WDR90: variants seen among roughly 807,000 people sequenced by gnomAD.
WDR90 encodes WD repeat-containing protein 90.
WDR90 carries 238 observed loss-of-function variants against 195.2 expected under a neutral mutation model. The observed-to-expected ratio is 1.22, with a 90% CI of 1.10 to 1.36. The LOEUF is 1.36. Ranked by LOEUF, WDR90 falls within the 40% of genes most tolerant of loss-of-function variation. The probability of loss-of-function intolerance (pLI) is 0.00; values close to 1 mark genes in which losing one functional copy is unlikely to be tolerated. For missense variants in WDR90, 2,734 were observed against 2,439.5 expected, an observed-to-expected ratio of 1.12 and a Z score of -2.54; for synonymous variants, 1,265 against 1,052.4, an observed-to-expected ratio of 1.20 and a Z score of -3.91.
intron 26 of WDR90, among the ~76,000 whole-genome samples, chr16:659,751 G>C (rs548350924): frequency 6.6e-6 from 1 of 152,324 alleles, no homozygotes; most frequent in Non-Finnish European, 1.5e-5. Flanking sequence ...GGCTGCGGCA[G>C]TGGGCTCCTG....
intron 26 of WDR90, 96 bp downstream of exon 26, chr16:659,472 G>A: frequency 6.8e-7 from 1 of 1,481,476 alleles, no homozygotes; most frequent in Non-Finnish European, 9.1e-7. Flanking sequence ...CCAGCTCTGG[G>A]GTGCAGGTGC....
intron 34 of WDR90, among the ~76,000 whole-genome samples, chr16:664,837 G>T (rs868114607): frequency 6.6e-6 from 1 of 152,026 alleles, no homozygotes; most frequent in Non-Finnish European, 1.5e-5. Flanking sequence ...CCGCCACCAC[G>T]CCCGACTAAT....
chr16:657,309 G>A lies in WDR90; in HGVS notation c.2473+88G>A, dbSNP rs1261490602. 57 of 1,442,414 alleles carry A rather than the reference G, an allele frequency of 4.0e-5. No homozygotes were observed. The East Asian group carries it at 1.1e-3, about 27-fold the overall frequency. The allele number at this position is 1,442,414 out of a possible 1,614,324, so 89.4% of individuals were successfully genotyped here. ...AGGCCCACACCTGGACACACATGCCGGTTTCCTGGTGCACCGACTGGGTCC... is the reference window on the plus strand; with the variant it reads ...AGGCCCACACCTGGACACACATGCCAGTTTCCTGGTGCACCGACTGGGTCC... On this transcript the variant is annotated intron_variant, in intron 20 of 40. Coordinates refer to ENST00000293879, the MANE Select transcript of WDR90 (RefSeq NM_145294.5).
At position 666,232 on chromosome 16, in the gene WDR90, T is replaced by G; in HGVS notation, c.4622T>G (p.Leu1541Arg). ...GGCATGGTCCCAGGTCAGACTGTCC[T>G]CTCTGGAGACAAGGATGGGCTCGTG... ...VAFSTDGQTVLSGDKDGLVAV... is the reference protein window; with the variant it reads ...VAFSTDGQTVRSGDKDGLVAV... Residue 1541 changes from leucine (L) to arginine (R), a missense_variant, in exon 37 of 41, where the codon CTC (leucine) becomes CGC (arginine). Leu to Arg is a moderately radical substitution (Grantham distance 102). Transcript: ENST00000293879. 4.3e-6 allele frequency: 7 copies of G among 1,612,506 alleles called. No homozygotes were observed. Among genetic ancestry groups the G allele is most frequent in the Non-Finnish European group, 5.9e-6 (7 of 1,179,838 alleles).
Position 665,965 on chromosome 16 carries a change from G to C in WDR90, c.4450G>C (p.Ala1484Pro). 1 of 1,591,530 alleles carries C rather than the reference G, an allele frequency of 6.3e-7. No homozygotes were observed. The highest frequency in any genetic ancestry group is 2.2e-5 in the East Asian group (1 of 44,652). Reference protein sequence around the residue: ...QVLNQSCLCLAWSPPCCGRPE... With the variant: ...QVLNQSCLCLPWSPPCCGRPE... ...GGGTCCCCAGAGCTGCCTCTGCCTG[G>C]CATGGAGCCCCCCGTGCTGTGGCCG... Residue 1484 changes from alanine (A) to proline (P), a missense_variant, in exon 36 of 41, where the codon GCA (alanine) becomes CCA (proline). Ala to Pro is a conservative substitution (Grantham distance 27). Transcript: ENST00000293879.
intron 27 of WDR90, 55 bp from the exon 28 acceptor site, chr16:660,557 G>C (rs1235143857): frequency 6.6e-7 from 1 of 1,524,536 alleles, no homozygotes; most frequent in Non-Finnish European, 8.9e-7. Flanking sequence ...TGCAGGCTTT[G>C]GGGCACAGGT....
At chr16:651,128 G>A (rs753430938) in intron 6 of WDR90, 25 bp downstream of exon 6, 2 of 1,613,232 alleles carry the variant, frequency 1.2e-6, no homozygotes, top group Non-Finnish European at 1.7e-6. Flanking sequence ...TTCTTTCGAG[G>A]GAGGCCTCGG....
At chr16:664,222 G>A (rs2037977632) in intron 34 of WDR90, among the ~76,000 whole-genome samples, 4 of 152,012 alleles carry the variant, frequency 2.6e-5, no homozygotes, top group Non-Finnish European at 2.9e-5. Flanking sequence ...CCTGTTCCTC[G>A]GTCGCTCCCT....
At chr16:649,328 C>A, upstream of WDR90, 1 of 1,300,592 alleles carries the variant, frequency 7.7e-7, no homozygotes, top group Non-Finnish European at 9.8e-7. Context: ...GAAGTGGCAC[C>A]GTTGCCAGGC....
chr16:665,489 C>T (rs1433315327), intron 34 of WDR90, 190 bp from the exon 35 acceptor site: 5 of 861,056 alleles, frequency 5.8e-6, no homozygotes, highest in Non-Finnish European at 7.2e-6. Context: ...GGTTTGGACT[C>T]ACCCAGATCT....
intron 14 of WDR90, 28 bp from the exon 15 acceptor site, chr16:655,279 G>T: frequency 6.2e-7 from 1 of 1,609,222 alleles, no homozygotes. Context: ...TGCGAGCTGC[G>T]GCAGTGCTCA....
rs769987565 is a variant in WDR90 at position 661,179 on chromosome 16, G to T, written c.3513+7G>T. On this transcript the variant is annotated splice_region_variant and intron_variant, in intron 29 of 40. Coordinates refer to ENST00000293879, the MANE Select transcript of WDR90 (RefSeq NM_145294.5). The stretch of plus-strand genomic sequence containing the variant: ...CCTCAGCCACAGTGCCCAGGTGCCC[G>T]CCTGCATCGCCCTCCTCCTCTCCCA... The T allele has an allele frequency of 2.6e-6, 4 of 1,535,192 alleles. No individual in the cohort carries two copies. The highest frequency in any genetic ancestry group is 2.6e-6 in the Non-Finnish European group (3 of 1,146,136).
At position 662,270 on chromosome 16, in the gene WDR90, C is replaced by T. The variant is rs148985409; in HGVS notation, c.4084C>T (p.Arg1362Trp). 3.2e-3 allele frequency: 5,104 copies of T among 1,585,568 alleles called. 14 individuals carry two copies. Among genetic ancestry groups the T allele is most frequent in the Middle Eastern group, 5.5e-3 (33 of 5,984 alleles). ...SRLVSGSSTG[R>W]LRLWAVGAVS... ...ATTGGTCAGCGGCAGCAGCACGGGG[C>T]GGCTGCGCCTGTGGGCCGTGGGGGC... Residue 1362 changes from arginine (R) to tryptophan (W), a missense_variant, in exon 33 of 41, where the codon CGG becomes TGG. Physicochemically the swap from Arg to Trp is moderately radical, Grantham distance 101. Coordinates refer to ENST00000293879, the MANE Select transcript of WDR90 (RefSeq NM_145294.5).
Position 667,331 on chromosome 16 carries a change from G to A in WDR90, c.5090-101G>A, listed in dbSNP as rs534757851. On this transcript the variant is annotated intron_variant, in intron 40 of 40. Coordinates refer to ENST00000293879, the MANE Select transcript of WDR90 (RefSeq NM_145294.5). Reference sequence around the variant, plus strand: ...GAGCCCTTTTAGCACCAGCTCCCCCGACCAGCATCATGCCCAGTGGGGACA... The same window carrying A: ...GAGCCCTTTTAGCACCAGCTCCCCCAACCAGCATCATGCCCAGTGGGGACA... 1.4e-5 allele frequency: 20 copies of A among 1,467,190 alleles called. No homozygotes were observed. In the Admixed American group the frequency reaches 1.9e-4, roughly 14 times the overall value. The allele number at this position is 1,467,190 out of a possible 1,614,324, so 90.9% of individuals were successfully genotyped here. A position where few individuals can be genotyped will look rare whatever the true frequency, so the allele number is the denominator to read the frequency against.
In WDR90 at chr16:653,343, C is replaced by G; in HGVS notation, c.1125C>G (p.Ala375=). Residue 375 remains alanine (A), a splice_region_variant and synonymous_variant, in exon 11 of 41, where the codon GCC becomes GCG. Coordinates refer to ENST00000293879, the MANE Select transcript of WDR90 (RefSeq NM_145294.5). ...IGFGGHGTRQ[A]LWTPDGAAVV... is the part of the protein sequence containing the mutation. ...AGCCCCCCGCCCCCTTGTGCCAGGC[C>G]CTGTGGACCCCAGACGGGGCGGCTG... The G allele has an allele frequency of 1.3e-6, 2 of 1,550,788 alleles. No homozygotes were observed. Among genetic ancestry groups the G allele is most frequent in the South Asian group, 1.2e-5 (1 of 84,110 alleles).
chr16:665,351 C>T (rs2038001023), intron 34 of WDR90: 3 of 544,332 alleles, frequency 5.5e-6, no homozygotes, highest in Non-Finnish European at 9.7e-6. Flanking sequence ...CACGGCCACA[C>T]TCCTGTCTTT....
intron 37 of WDR90, 32 bp downstream of exon 37, chr16:666,382 G>A (rs537942950): frequency 6.1e-5 from 99 of 1,611,058 alleles, no homozygotes; most frequent in Non-Finnish European, 4.7e-5. Flanking sequence ...GGGAGAGGGG[G>A]CCTGGGTGCT....
rs760631800 is a variant in WDR90, at chr16:651,694, A to G, written c.787A>G (p.Lys263Glu). Residue 263 changes from lysine to glutamate, a missense_variant, in exon 8 of 41, where the codon AAA becomes GAA. By Grantham distance (56) the Lys-to-Glu change is moderately conservative. Coordinates refer to ENST00000293879, the MANE Select transcript of WDR90 (RefSeq NM_145294.5). ...QPLPCPVASSKPVRFSVSPVV... is the reference protein window; with the variant it reads ...QPLPCPVASSEPVRFSVSPVV... ...TCTCCCTTGCCCGGTGGCCTCCAGC[A>G]AACCTGTGCGGTTCAGTGTGTCTCC... 6 of 1,612,916 alleles carry G rather than the reference A, an allele frequency of 3.7e-6. No homozygotes were observed. In the African/African-American group the frequency reaches 8.0e-5, roughly 22 times the overall value.
chr16:656,334 A>G lies in WDR90; in HGVS notation c.1999A>G (p.Ser667Gly). The G allele has an allele frequency of 6.2e-7, 1 of 1,609,468 alleles. No individual in the cohort carries two copies. Among genetic ancestry groups the G allele is most frequent in the Non-Finnish European group, 8.5e-7 (1 of 1,179,646 alleles). ...HEGPVSSVCVSPDGLRVLSAT... is the reference protein window; with the variant it reads ...HEGPVSSVCVGPDGLRVLSAT... The stretch of plus-strand genomic sequence containing the variant: ...GGGCCCCGTCAGCTCAGTCTGTGTC[A>G]GCCCCGATGGCCTCCGTGTGCTGTC... Residue 667 changes from serine to glycine, a missense_variant, in exon 18 of 41, where the codon AGC (serine) becomes GGC (glycine). Transcript: ENST00000293879.
Sources: allele counts gnomAD v4.1 joint callset (sites outside exome capture counted in the v4.1 genomes callset), GRCh38; gene constraint gnomAD v4.1.1; transcripts MANE v1.5; gene names NCBI Gene and HGNC (gene_info 2026-07-23, HGNC 2026-07-21).